The following ATXN8OS variants were observed in gnomAD, a reference collection of about 807,000 sequenced individuals.
ATXN8OS encodes ATXN8 opposite strand lncRNA.
chr13:70,107,459 A>C (rs200024471), upstream of ATXN8OS: 139 of 1,613,944 alleles, frequency 8.6e-5, no homozygotes, highest in Non-Finnish European at 8.3e-5. Flanking sequence ...GAGGACGGGG[A>C]GGACGATGAA....
At chr13:70,170,821 A>G (rs1276195035) in exon 5 of ATXN8OS, among the ~76,000 whole-genome samples, 1 of 152,100 alleles carries the variant, frequency 6.6e-6, no homozygotes, top group African/African-American at 2.4e-5. Flanking sequence ...ACTTACAAGT[A>G]ATAGCCTACT....
At chr13:70,133,102 G>A (rs1377964427) in intron 3 of ATXN8OS, among the ~76,000 whole-genome samples, 1 of 152,132 alleles carries the variant, frequency 6.6e-6, no homozygotes, top group Admixed American at 6.6e-5. Flanking sequence ...GTTTATGGCT[G>A]TATCAGAAAT....
chr13:70,129,947 G>C (rs939152768), intron 3 of ATXN8OS: 8 of 397,688 alleles, frequency 2.0e-5, no homozygotes, highest in Non-Finnish European at 2.7e-5. Flanking sequence ...GTGCCTCCTT[G>C]ATATTAAAAA....
At chr13:70,143,160 T>C (rs1456217106) in intron 3 of ATXN8OS, among the ~76,000 whole-genome samples, 1 of 152,190 alleles carries the variant, frequency 6.6e-6, no homozygotes, top group African/African-American at 2.4e-5. Context: ...CTTTACCAAC[T>C]TGCTGATAAA....
chr13:70,157,044 A>C (rs1888946019), intron 4 of ATXN8OS, among the ~76,000 whole-genome samples: 1 of 152,214 alleles, frequency 6.6e-6, no homozygotes, highest in East Asian at 1.9e-4. Context: ...TAGAGACAAA[A>C]GAATTGTCAC....
chr13:70,152,962 T>TCAGA (rs1384454980), intron 4 of ATXN8OS, among the ~76,000 whole-genome samples: 1 of 147,636 alleles, frequency 6.8e-6, no homozygotes, highest in East Asian at 2.0e-4. Flanking sequence ...AGGAGCCTAA[T>TCAGA]CAGAAGTCAA....
intron 3 of ATXN8OS, among the ~76,000 whole-genome samples, chr13:70,140,533 C>CAAAAAAA (rs58996989): frequency 2.4e-4 from 32 of 132,894 alleles, no homozygotes; most frequent in Non-Finnish European, 3.8e-4. Flanking sequence ...CACACACACA[C>CAAAAAAA]AAAAAAAAAA....
intron 2 of ATXN8OS, among the ~76,000 whole-genome samples, chr13:70,125,295 C>A (rs897230718): frequency 9.2e-5 from 14 of 152,128 alleles, no homozygotes; most frequent in African/African-American, 3.4e-4. Context: ...TAAATTTCTA[C>A]TTCTATCCAC....
In ATXN8OS at chr13:70,148,884, G is replaced by C. The variant is rs115161254; in HGVS notation, n.573+1456G>C. Among the ~76,000 whole-genome samples, 935 of 152,190 alleles carry C rather than the reference G, an allele frequency of 6.1e-3. 10 individuals carry two copies. The highest frequency in any genetic ancestry group is 0.019 in the African/African-American group (797 of 41,538). On this transcript the variant is annotated intron_variant and non_coding_transcript_variant, in intron 4 of 4. Transcript: ENST00000678624. Reference sequence around the variant, plus strand: ...ACTGATTTTGGTAAAGATTACAGCAGGGTATAGTTTTAGAATTTCTGTCTC... The same window carrying C: ...ACTGATTTTGGTAAAGATTACAGCACGGTATAGTTTTAGAATTTCTGTCTC...
chr13:70,138,071 C>G (rs1004008180), intron 3 of ATXN8OS, among the ~76,000 whole-genome samples: 3 of 152,202 alleles, frequency 2.0e-5, no homozygotes, highest in African/African-American at 7.2e-5. Flanking sequence ...CCCACGTGAT[C>G]CAATCACTTT....
At chr13:70,134,063 G>C (rs1251754528) in intron 3 of ATXN8OS, among the ~76,000 whole-genome samples, 1 of 151,900 alleles carries the variant, frequency 6.6e-6, no homozygotes, top group Non-Finnish European at 1.5e-5. Flanking sequence ...TTTTTTGTCT[G>C]ATAATGAAAA....
At chr13:70,112,920 A>ATATATATT (rs1555298511) in intron 1 of ATXN8OS, among the ~76,000 whole-genome samples, 1,085 of 87,506 alleles carry the variant, frequency 0.012, 36 homozygotes, top group African/African-American at 0.04. Flanking sequence ...TATATATATA[A>ATATATATT]TTTTTTTTTT....
intron 4 of ATXN8OS, among the ~76,000 whole-genome samples, chr13:70,153,755 C>T (rs1388094381): frequency 1.3e-5 from 2 of 152,138 alleles, no homozygotes; most frequent in African/African-American, 4.8e-5. Context: ...TCACAGCTCA[C>T]TGCAGCCTTG....
At chr13:70,167,645 A>G (rs1368133587) in intron 4 of ATXN8OS, among the ~76,000 whole-genome samples, 2 of 107,584 alleles carry the variant, frequency 1.9e-5, no homozygotes, top group African/African-American at 5.2e-5. Flanking sequence ...ATGTACCCTA[A>G]AACTTAAAGT....
exon 5 of ATXN8OS, among the ~76,000 whole-genome samples, chr13:70,170,365 G>C (rs565959760): frequency 2.6e-5 from 4 of 152,058 alleles, no homozygotes; most frequent in Admixed American, 1.3e-4. Context: ...TTCAACATAT[G>C]TCTGAGAAGA....
chr13:70,114,768 T>C (rs1888249777), intron 1 of ATXN8OS, among the ~76,000 whole-genome samples: 1 of 152,170 alleles, frequency 6.6e-6, no homozygotes, highest in African/African-American at 2.4e-5. Flanking sequence ...AAATCTTATT[T>C]AGGTAGGCAT....
intron 3 of ATXN8OS, among the ~76,000 whole-genome samples, chr13:70,132,502 C>T (rs1191246682): frequency 6.6e-6 from 1 of 151,876 alleles, no homozygotes; most frequent in Non-Finnish European, 1.5e-5. Context: ...GAAAAACTAA[C>T]TCTTGGGTAC....
At chr13:70,110,779 T>C (rs12583286) in intron 1 of ATXN8OS, among the ~76,000 whole-genome samples, 11,092 of 152,064 alleles carry the variant, frequency 0.073, 650 homozygotes, top group East Asian at 0.32. Flanking sequence ...TAGTAACAAA[T>C]ATGAAGGAAT....
At chr13:70,154,373 G>A (rs547693726) in intron 4 of ATXN8OS, among the ~76,000 whole-genome samples, 1 of 152,272 alleles carries the variant, frequency 6.6e-6, no homozygotes, top group Admixed American at 6.5e-5. Flanking sequence ...AGCCTGCAGA[G>A]GGGCTGCTAC....
Sources: allele counts gnomAD v4.1 joint callset (sites outside exome capture counted in the v4.1 genomes callset), GRCh38; gene constraint gnomAD v4.1.1; transcripts MANE v1.5; gene names NCBI Gene and HGNC (gene_info 2026-07-23, HGNC 2026-07-21).